GALNT13: variants seen among roughly 807,000 people sequenced by gnomAD.
GALNT13 encodes UDP-GalNAc:polypeptide N-acetylgalactosaminyltransferase 13.
GALNT13 carries 28 observed loss-of-function variants against 64.2 expected under a neutral mutation model. That is an observed-to-expected ratio of 0.44 (90% CI 0.32 to 0.60). GALNT13 has a LOEUF of 0.60. Ranked by LOEUF, GALNT13 falls within the 20% of genes least tolerant of loss-of-function variation. GALNT13 has a pLI of 0.05. For synonymous variants in GALNT13, 214 were observed against 224.6 expected (o/e 0.95, Z 0.42); for missense variants, 577 against 669.8 (o/e 0.86, Z 1.53).
At chr2:154,403,701 G>A (rs1400565140) in intron 10 of GALNT13, among the ~76,000 whole-genome samples, 2 of 152,080 alleles carry the variant, frequency 1.3e-5, no homozygotes, top group Non-Finnish European at 2.9e-5. Flanking sequence ...GGTCCCCCAG[G>A]CCTAATACCA....
In GALNT13 at chr2:154,372,894, C is replaced by T. The variant is rs148231101; in HGVS notation, c.1157-23097C>T. Among the ~76,000 whole-genome samples the T allele has an allele frequency of 4.7e-3, 709 of 151,962 alleles. 4 individuals are homozygous for T. Among genetic ancestry groups the T allele is most frequent in the African/African-American group, 0.016 (667 of 41,466 alleles). On this transcript the variant is annotated intron_variant, in intron 9 of 12. Transcript: ENST00000392825. ...TGTATAAACTCCATTTACTTTTTGC[C>T]CTTTTCAATATGATAATTTTAAAAT...
intron 9 of GALNT13, among the ~76,000 whole-genome samples, chr2:154,331,775 A>G (rs1559095146): frequency 6.6e-6 from 1 of 152,110 alleles, no homozygotes; most frequent in African/African-American, 2.4e-5. Context: ...TACTAATTTT[A>G]AATGACTTTT....
chr2:153,326,841 T>G, the GALNT13 span, among the ~76,000 whole-genome samples: 1 of 152,184 alleles, frequency 6.6e-6, no homozygotes, highest in Non-Finnish European at 1.5e-5. Flanking sequence ...ATCCCAACAC[T>G]TTGGGAGGCC....
At chr2:153,962,166 G>T (rs1047325583) in intron 3 of GALNT13, among the ~76,000 whole-genome samples, 1 of 152,106 alleles carries the variant, frequency 6.6e-6, no homozygotes, top group Non-Finnish European at 1.5e-5. Context: ...CCCAAATTGG[G>T]CACATTTATA....
the GALNT13 span, among the ~76,000 whole-genome samples, chr2:153,449,365 C>T: frequency 1.3e-5 from 2 of 152,112 alleles, no homozygotes; most frequent in Non-Finnish European, 2.9e-5. Context: ...GTTGTCTCTG[C>T]AAGTGCTTCT....
chr2:153,356,897 A>C, the GALNT13 span, among the ~76,000 whole-genome samples: 1 of 138,546 alleles, frequency 7.2e-6, no homozygotes, highest in Non-Finnish European at 1.5e-5. Flanking sequence ...TGCCAGGTTC[A>C]CCCCATTCTC....
chr2:154,344,493 G>T (rs1695958012), intron 9 of GALNT13, among the ~76,000 whole-genome samples: 1 of 99,090 alleles, frequency 1.0e-5, no homozygotes, highest in Non-Finnish European at 2.7e-5. Context: ...TGTTGAAATG[G>T]ATTTACATCT....
At chr2:153,315,756 T>C in the GALNT13 span, among the ~76,000 whole-genome samples, 34 of 152,272 alleles carry the variant, frequency 2.2e-4, no homozygotes, top group Middle Eastern at 3.4e-3. Flanking sequence ...AAGTGCACAT[T>C]AAGTAGTTGC....
the GALNT13 span, among the ~76,000 whole-genome samples, chr2:153,708,498 C>T: frequency 6.6e-6 from 1 of 152,118 alleles, no homozygotes; most frequent in South Asian, 2.1e-4. Context: ...CCTATCATGG[C>T]AATCAGTCTT....
chr2:154,073,369 T>C (rs1380478784), intron 3 of GALNT13, among the ~76,000 whole-genome samples: 1 of 151,990 alleles, frequency 6.6e-6, no homozygotes, highest in East Asian at 1.9e-4. Context: ...TGTGAAAATA[T>C]AGGAAGTGAG....
chr2:153,099,239 A>G, the GALNT13 span, among the ~76,000 whole-genome samples: 134 of 152,338 alleles, frequency 8.8e-4, 2 homozygotes, highest in East Asian at 0.023. Context: ...TTGAAATTCC[A>G]TTGTGACAAG....
Position 153,936,311 on chromosome 2 carries a change from C to A in GALNT13, c.-104-8083C>A, listed in dbSNP as rs570458451. On this transcript the variant is annotated intron_variant, in intron 2 of 12. Transcript: ENST00000392825. ...CAGGAATATGTGCATAGGTTATATA[C>A]AAATACTATGCCATTTTATATAATG... Among the ~76,000 whole-genome samples, 4 of 152,296 alleles carry A rather than the reference C, an allele frequency of 2.6e-5. No homozygotes were observed. The East Asian group carries it at 7.7e-4, about 29-fold the overall frequency.
chr2:154,229,222 C>G (rs958172677), intron 4 of GALNT13, among the ~76,000 whole-genome samples: 1 of 152,134 alleles, frequency 6.6e-6, no homozygotes, highest in Non-Finnish European at 1.5e-5. Flanking sequence ...CTAATTTACT[C>G]TGGATACAGA....
chr2:154,427,320 CAGATATGATACCTACCT>C (rs1700515917), intron 11 of GALNT13, among the ~76,000 whole-genome samples: 2 of 152,160 alleles, frequency 1.3e-5, no homozygotes, highest in African/African-American at 4.8e-5. Flanking sequence ...CAAATATATA[CAGATATGATACCTACCT>C]GCGGTACAAT....
chr2:154,134,420 A>T (rs7591853), intron 3 of GALNT13, among the ~76,000 whole-genome samples: 36,071 of 152,130 alleles, frequency 0.24, 4,622 homozygotes, highest in Non-Finnish European at 0.28. Flanking sequence ...CTAATACAGC[A>T]TGGTTAATTT....
At chr2:153,797,782 C>A in the GALNT13 span, among the ~76,000 whole-genome samples, 2 of 152,176 alleles carry the variant, frequency 1.3e-5, no homozygotes, top group African/African-American at 4.8e-5. Flanking sequence ...TGCTGTTTGA[C>A]CTTGCTGAGA....
chr2:154,219,327 A>G (rs1050553726), intron 4 of GALNT13, among the ~76,000 whole-genome samples: 3 of 152,026 alleles, frequency 2.0e-5, no homozygotes, highest in African/African-American at 7.2e-5. Flanking sequence ...CAAAAGATGA[A>G]TAAGTCACTT....
intron 9 of GALNT13, among the ~76,000 whole-genome samples, chr2:154,365,162 T>C (rs137967607): frequency 2.0e-4 from 31 of 152,306 alleles, no homozygotes; most frequent in African/African-American, 7.2e-4. Flanking sequence ...ATCATTAACT[T>C]CATAGAGGCT....
At chr2:153,372,310 G>A in the GALNT13 span, among the ~76,000 whole-genome samples, 1 of 152,074 alleles carries the variant, frequency 6.6e-6, no homozygotes, top group African/African-American at 2.4e-5. Flanking sequence ...TAGGAAAAAA[G>A]CTTCTAGTCT....
Sources: allele counts gnomAD v4.1 joint callset (sites outside exome capture counted in the v4.1 genomes callset), GRCh38; gene constraint gnomAD v4.1.1; transcripts MANE v1.5; gene names NCBI Gene and HGNC (gene_info 2026-07-23, HGNC 2026-07-21).